The following SERINC2 variants were observed in gnomAD, a reference collection of about 807,000 sequenced individuals.
SERINC2 encodes the protein tumor differentially expressed protein 2.
Under a neutral mutation model 54.2 loss-of-function variants are expected in SERINC2, and 56 were observed. That is an observed-to-expected ratio of 1.03 (90% CI 0.83 to 1.29). The LOEUF (loss-of-function observed/expected upper bound fraction) is 1.29. SERINC2 is among the 50% of genes most tolerant of loss of function. The pLI, the probability that SERINC2 is intolerant of heterozygous loss-of-function variation, is 0.00. For synonymous variants in SERINC2, 272 were observed against 253.1 expected (o/e 1.07, Z -0.71); for missense variants, 614 against 607.4 (o/e 1.01, Z -0.12).
chr1:31,429,486 G>A lies in SERINC2; in HGVS notation c.961G>A (p.Ala321Thr). ...PEGYETQWWD[A>T]PSIVGLIIFL... The stretch of plus-strand genomic sequence containing the variant: ...GGGCTATGAGACCCAGTGGTGGGAT[G>A]CCCCGAGCATTGTGGGCCTCATCAT... The change falls in exon 8 of 10, where the codon GCC becomes ACC. Residue 321 changes from alanine to threonine, a missense_variant. Physicochemically the swap from Ala to Thr is moderately conservative, Grantham distance 58. Coordinates refer to ENST00000373709, the MANE Select transcript of SERINC2 (RefSeq NM_178865.5). 7 of 1,613,862 alleles carry A rather than the reference G, an allele frequency of 4.3e-6. No homozygotes were observed. Among genetic ancestry groups the A allele is most frequent in the Non-Finnish European group, 5.9e-6 (7 of 1,179,900 alleles).
In SERINC2 at chr1:31,414,452, T is replaced by TGAGAGAGAGA. The variant is rs1473204193; in HGVS notation, c.39+1149_39+1150insAGAGAGAGAG. 3.2e-6 allele frequency: 3 copies of TGAGAGAGAGA among 951,710 alleles called. No homozygotes were observed. In the African/African-American group the frequency reaches 7.7e-5, roughly 25 times the overall value. The allele number at this position is 951,710 out of a possible 1,614,324, so 59.0% of individuals were successfully genotyped here. A position where few individuals can be genotyped will look rare whatever the true frequency, so the allele number is the denominator to read the frequency against. On this transcript the variant is annotated intron_variant, in intron 1 of 9. Coordinates refer to ENST00000373709, the MANE Select transcript of SERINC2 (RefSeq NM_178865.5). ...GTGTGTGTGTGTGTGTGTGTGTGTG[T>TGAGAGAGAGA]GTGAGAGAGAGAGAGAGAGAGAGGA...
chr1:31,414,602 T>C, intron 1 of SERINC2: 1 of 981,694 alleles, frequency 1.0e-6, no homozygotes, highest in Non-Finnish European at 1.2e-6. Context: ...CCATTTTTCG[T>C]GTGTGTGTGT....
chr1:31,434,252 C>A lies in SERINC2; in HGVS notation c.*53C>A. The stretch of plus-strand genomic sequence containing the variant: ...CCTCCTGCCACCTGGTGCCTCTCGG[C>A]TCAGTGACAGCCAACCTGCCCCCTC... On this transcript the variant is annotated 3_prime_UTR_variant, in exon 10 of 10. Transcript: ENST00000373709. 1.3e-6 allele frequency: 2 copies of A among 1,579,168 alleles called. No homozygotes were observed. The highest frequency in any genetic ancestry group is 1.7e-6 in the Non-Finnish European group (2 of 1,162,430).
In SERINC2 at chr1:31,434,252, C is replaced by T. The variant is rs113229940; in HGVS notation, c.*53C>T. ...CCTCCTGCCACCTGGTGCCTCTCGGCTCAGTGACAGCCAACCTGCCCCCTC... is the reference window on the plus strand; with the variant it reads ...CCTCCTGCCACCTGGTGCCTCTCGGTTCAGTGACAGCCAACCTGCCCCCTC... On this transcript the variant is annotated 3_prime_UTR_variant, in exon 10 of 10. Transcript: ENST00000373709. 25 of 1,579,054 alleles carry T rather than the reference C, an allele frequency of 1.6e-5. No homozygotes were observed. The African/African-American group carries it at 2.4e-4, about 15-fold the overall frequency.
rs547218006 is a variant in SERINC2 at position 31,424,883 on chromosome 1, G to T, written c.392+10G>T. 6.8e-6 allele frequency: 11 copies of T among 1,606,146 alleles called. No homozygotes were observed. Among genetic ancestry groups the T allele is most frequent in the Non-Finnish European group, 9.3e-6 (11 of 1,176,974 alleles). On this transcript the variant is annotated intron_variant, in intron 3 of 9. Coordinates refer to ENST00000373709, the MANE Select transcript of SERINC2 (RefSeq NM_178865.5). ...CTGCCATCCAGAATGGGTGAGAGAG[G>T]GGTCCCTGCCTGCACCCTGGGACCT...
intron 5 of SERINC2, 194 bp downstream of exon 5, chr1:31,426,107 G>A (rs1191319449): frequency 2.0e-5 from 12 of 608,588 alleles, no homozygotes; most frequent in Middle Eastern, 2.6e-4. Flanking sequence ...CAGGGAATCC[G>A]AGGAGAGCTG....
At chr1:31,411,652 A>T (rs1349587783), upstream of SERINC2, among the ~76,000 whole-genome samples, 2 of 152,090 alleles carry the variant, frequency 1.3e-5, no homozygotes, top group Non-Finnish European at 2.9e-5. Context: ...GAGGTATGGC[A>T]TGTGAGCAAG....
chr1:31,434,449 T>C lies in SERINC2; in HGVS notation c.*250T>C. ...TGGAGCTGCCTCTTCCTTCCCCTCC[T>C]CCCTGTTGCCCATACTCAGCATCTC... On this transcript the variant is annotated 3_prime_UTR_variant, in exon 10 of 10. Transcript: ENST00000373709. 1 of 532,378 alleles carries C rather than the reference T, an allele frequency of 1.9e-6. No individual in the cohort carries two copies. The highest frequency in any genetic ancestry group is 3.4e-6 in the Non-Finnish European group (1 of 298,318). 33.0% of individuals were successfully genotyped at this position (532,378 alleles called of 1,614,324 possible).
rs1553131845 is a variant in SERINC2, at chr1:31,413,999, A to T, written c.39+695A>T. ...GCTCGCCCCGGATCATCTGGGCCCC[A>T]GCGCGGAGACTGGGATGGGAGCGGA... On this transcript the variant is annotated intron_variant, in intron 1 of 9. Transcript: ENST00000373709. The surrounding 1 kb of genome is among the most constrained non-coding windows in gnomAD (Gnocchi z 5.0). The T allele has an allele frequency of 6.5e-7, 1 of 1,528,240 alleles. No homozygotes were observed. Among genetic ancestry groups the T allele is most frequent in the South Asian group, 1.2e-5 (1 of 83,472 alleles). The allele number at this position is 1,528,240 out of a possible 1,614,324, so 94.7% of individuals were successfully genotyped here. A position where few individuals can be genotyped will look rare whatever the true frequency, so the allele number is the denominator to read the frequency against.
At chr1:31,424,579 T>C (rs1640982356) in intron 2 of SERINC2, 104 bp from the exon 3 acceptor site, 1 of 974,384 alleles carries the variant, frequency 1.0e-6, no homozygotes, top group Non-Finnish European at 1.5e-6. Context: ...TGGGAGAGCC[T>C]CTTTCCTGGC....
At chr1:31,431,302 A>T (rs372279017) in intron 8 of SERINC2, among the ~76,000 whole-genome samples, 2 of 143,582 alleles carry the variant, frequency 1.4e-5, no homozygotes, top group African/African-American at 2.6e-5. Context: ...TTAAAAAAAC[A>T]TTTTTTTTTT....
intron 1 of SERINC2, among the ~76,000 whole-genome samples, chr1:31,423,365 G>A (rs1640946635): frequency 6.6e-6 from 1 of 152,118 alleles, no homozygotes; most frequent in African/African-American, 2.4e-5. Context: ...GAAGGTAATC[G>A]GTGACAGCTG....
In SERINC2 at chr1:31,423,689, G is replaced by A. The variant is rs782366440; in HGVS notation, c.40-4G>A. On this transcript the variant is annotated splice_polypyrimidine_tract_variant and splice_region_variant and intron_variant, in intron 1 of 9. Transcript: ENST00000373709. ...GAGGGAAGAGTGACAGTGCCCTCCC[G>A]CAGGCGTCCTGCCTCTGCGGCTCTG... 81 of 1,605,928 alleles carry A rather than the reference G, an allele frequency of 5.0e-5. No individual in the cohort carries two copies. The highest frequency in any genetic ancestry group is 4.0e-5 in the African/African-American group (3 of 74,914).
At chr1:31,431,571 CCTG>C (rs1454760505) in intron 8 of SERINC2, among the ~76,000 whole-genome samples, 2 of 152,224 alleles carry the variant, frequency 1.3e-5, no homozygotes, top group Non-Finnish European at 2.9e-5. Context: ...AGCTGTTTTT[CCTG>C]CTGCTTCCAC....
rs556561771 is a variant in SERINC2 at position 31,426,246 on chromosome 1, C to T, written c.610+333C>T. ...TCAAGTGACACCTGGTCCCTGAAAC[C>T]CCAGTAGCAGGGTGAGTCCCTGGTC... On this transcript the variant is annotated intron_variant, in intron 5 of 9. Transcript: ENST00000373709. Among the ~76,000 whole-genome samples the T allele has an allele frequency of 2.0e-5, 3 of 152,192 alleles. No homozygotes were observed. In the South Asian group the frequency reaches 6.2e-4, roughly 32 times the overall value.
intron 1 of SERINC2, among the ~76,000 whole-genome samples, chr1:31,417,393 T>A (rs1389317946): frequency 1.3e-5 from 2 of 152,204 alleles, no homozygotes; most frequent in East Asian, 3.8e-4. Flanking sequence ...GTGACCTCTG[T>A]AGCTTTTCTC....
upstream of SERINC2, among the ~76,000 whole-genome samples, chr1:31,410,750 G>A (rs1248931801): frequency 6.6e-6 from 1 of 152,238 alleles, no homozygotes; most frequent in South Asian, 2.1e-4. Context: ...ATGGCATGGG[G>A]CATGGTCATC....
chr1:31,425,528 G>A lies in SERINC2; in HGVS notation c.472+119G>A, dbSNP rs1460471934. ...ACACAGACCCCTGGCTGCTGGCTAGGTCCTCGCTCCCCACCCGTGAGACAG... is the reference window on the plus strand; with the variant it reads ...ACACAGACCCCTGGCTGCTGGCTAGATCCTCGCTCCCCACCCGTGAGACAG... On this transcript the variant is annotated intron_variant, in intron 4 of 9. Transcript: ENST00000373709. 5 of 921,472 alleles carry A rather than the reference G, an allele frequency of 5.4e-6. No individual in the cohort carries two copies. The Admixed American group carries it at 7.1e-5, about 13-fold the overall frequency. 57.1% of individuals were successfully genotyped at this position (921,472 alleles called of 1,614,324 possible). A position where few individuals can be genotyped will look rare whatever the true frequency, so the allele number is the denominator to read the frequency against.
intron 1 of SERINC2, among the ~76,000 whole-genome samples, chr1:31,419,437 C>T (rs1463846257): frequency 6.6e-6 from 1 of 152,018 alleles, no homozygotes; most frequent in African/African-American, 2.4e-5. Flanking sequence ...ATGAAATGTA[C>T]CCAAGTTAAG....
Sources: allele counts gnomAD v4.1 joint callset (sites outside exome capture counted in the v4.1 genomes callset), GRCh38; gene constraint gnomAD v4.1.1; non-coding constraint Gnocchi (gnomAD v3.1); transcripts MANE v1.5; gene names NCBI Gene and HGNC (gene_info 2026-07-23, HGNC 2026-07-21).